FGF14: variants seen among roughly 807,000 people sequenced by gnomAD.
FGF14 encodes the protein fibroblast growth factor homologous factor 4.
FGF14 carries 5 observed loss-of-function variants against 25.5 expected under a neutral mutation model. The ratio of observed to expected loss-of-function variants is 0.20; its 90% CI spans 0.10 to 0.41. FGF14 has a LOEUF of 0.41. Among genes scored for constraint, FGF14 ranks in the 10% least tolerant of loss-of-function variants. The probability of loss-of-function intolerance (pLI) is 1.00; values close to 1 mark genes in which losing one functional copy is unlikely to be tolerated. For missense variants in FGF14, 222 were observed against 320.1 expected (o/e 0.69, Z 2.34); for synonymous variants, 138 against 118.3 (o/e 1.17, Z -1.08).
intron 1 of FGF14, among the ~76,000 whole-genome samples, chr13:102,048,624 C>T (rs560176719): frequency 5.3e-5 from 8 of 152,124 alleles, no homozygotes; most frequent in Non-Finnish European, 1.0e-4. Context: ...CTTAGTGCCA[C>T]GTAAGTGTTA....
At chr13:101,954,110 G>C (rs540594461) in intron 1 of FGF14, among the ~76,000 whole-genome samples, 2 of 152,092 alleles carry the variant, frequency 1.3e-5, no homozygotes, top group African/African-American at 4.8e-5. Flanking sequence ...AAGCAAGGTC[G>C]GATTAGGTTT....
At chr13:102,089,942 G>C (rs1457080588) in intron 1 of FGF14, among the ~76,000 whole-genome samples, 1 of 152,170 alleles carries the variant, frequency 6.6e-6, no homozygotes, top group Non-Finnish European at 1.5e-5. Context: ...AACTGTCATT[G>C]TCAGGCCTTG....
chr13:102,212,083 C>T (rs2050185189), intron 1 of FGF14, among the ~76,000 whole-genome samples: 1 of 152,124 alleles, frequency 6.6e-6, no homozygotes. Context: ...AGGGAATAAA[C>T]AGATGACCCT....
At chr13:102,153,458 G>A (rs981939366) in intron 1 of FGF14, among the ~76,000 whole-genome samples, 1 of 152,108 alleles carries the variant, frequency 6.6e-6, no homozygotes, top group Non-Finnish European at 1.5e-5. Context: ...TCCCCTCTGA[G>A]ATTTATTTTC....
At chr13:102,228,864 C>T (rs2050947732) in intron 1 of FGF14, among the ~76,000 whole-genome samples, 1 of 152,120 alleles carries the variant, frequency 6.6e-6, no homozygotes. Context: ...AATATAAAAC[C>T]TCCTCTTCCA....
intron 1 of FGF14, among the ~76,000 whole-genome samples, chr13:102,151,122 T>C (rs542409702): frequency 1.3e-5 from 2 of 152,220 alleles, no homozygotes; most frequent in Non-Finnish European, 2.9e-5. Flanking sequence ...AGAAATGCTA[T>C]TGGAAAACTT....
intron 1 of FGF14, among the ~76,000 whole-genome samples, chr13:102,238,819 T>A (rs1266695168): frequency 6.6e-6 from 1 of 152,228 alleles, no homozygotes; most frequent in Non-Finnish European, 1.5e-5. Context: ...TCTCCCCTTA[T>A]TTTCCCTTAC....
Position 102,229,528 on chromosome 13 carries a change from T to C in FGF14, c.208+171943A>G, listed in dbSNP as rs189965539. Among the ~76,000 whole-genome samples the C allele has an allele frequency of 3.1e-4, 47 of 152,248 alleles. No individual in the cohort carries two copies. The East Asian group carries it at 8.1e-3, about 26-fold the overall frequency. ...AGGGTAGGTATAAAAGATCCTAAAGTTGTGACTAATGAGGATTTTCATGGC... is the reference window on the plus strand; with the variant it reads ...AGGGTAGGTATAAAAGATCCTAAAGCTGTGACTAATGAGGATTTTCATGGC... On this transcript the variant is annotated intron_variant, in intron 1 of 4. Transcript: ENST00000376131.
intron 1 of FGF14, among the ~76,000 whole-genome samples, chr13:101,998,697 G>A (rs1212668707): frequency 1.3e-5 from 2 of 152,278 alleles, no homozygotes; most frequent in African/African-American, 4.8e-5. Context: ...ATAGGCTGGA[G>A]GCTCCCCGTC....
chr13:102,268,654 G>C lies in FGF14; in HGVS notation c.208+132817C>G, dbSNP rs140029645. On this transcript the variant is annotated intron_variant, in intron 1 of 4. Coordinates refer to the FGF14 transcript ENST00000376131. ...TTATATTTTAATTTTATATGATGAT[G>C]GTGTTTTTATAATTTAAATCATATA... Among the ~76,000 whole-genome samples the C allele has an allele frequency of 4.8e-3, 736 of 151,824 alleles. 10 individuals carry two copies. The highest frequency in any genetic ancestry group is 0.017 in the African/African-American group (698 of 41,410).
intron 3 of FGF14, among the ~76,000 whole-genome samples, chr13:101,855,386 A>G (rs1234359174): frequency 6.6e-6 from 1 of 152,036 alleles, no homozygotes; most frequent in Non-Finnish European, 1.5e-5. Flanking sequence ...ACTGACATCA[A>G]TAGAAAATGT....
intron 1 of FGF14, among the ~76,000 whole-genome samples, chr13:101,978,211 T>C (rs1168028406): frequency 2.6e-5 from 4 of 152,212 alleles, no homozygotes; most frequent in African/African-American, 4.8e-5. Flanking sequence ...TTTAATAGAG[T>C]TGCATTTTCA....
intron 1 of FGF14, among the ~76,000 whole-genome samples, chr13:102,052,508 CAGAG>C (rs1462637629): frequency 1.4e-5 from 2 of 143,476 alleles, no homozygotes; most frequent in East Asian, 3.9e-4. Flanking sequence ...TTTTCAAAGA[CAGAG>C]AGGATACTAA....
At chr13:101,914,461 G>A (rs957031400) in intron 1 of FGF14, among the ~76,000 whole-genome samples, 6 of 152,058 alleles carry the variant, frequency 3.9e-5, no homozygotes, top group Admixed American at 3.9e-4. Context: ...CCTGTCCAAA[G>A]TAAGGTAGAA....
chr13:102,274,848 G>A (rs1332565016), intron 1 of FGF14, among the ~76,000 whole-genome samples: 1 of 151,460 alleles, frequency 6.6e-6, no homozygotes, highest in Non-Finnish European at 1.5e-5. Context: ...CATATATCTT[G>A]TAACCAATGT....
At chr13:102,158,205 A>G (rs181676225) in intron 1 of FGF14, among the ~76,000 whole-genome samples, 32 of 152,334 alleles carry the variant, frequency 2.1e-4, no homozygotes, top group African/African-American at 7.5e-4. Flanking sequence ...ATGCTGCTGT[A>G]AAGACACATG....
At chr13:101,728,962 C>A (rs1441499368) in intron 3 of FGF14, among the ~76,000 whole-genome samples, 1 of 151,878 alleles carries the variant, frequency 6.6e-6, no homozygotes, top group Non-Finnish European at 1.5e-5. Flanking sequence ...GTATTGTCTC[C>A]ATTATGAATT....
rs544184742 is a variant in FGF14 at position 101,945,047 on chromosome 13, G to T, written c.209-69751C>A. On this transcript the variant is annotated intron_variant, in intron 1 of 4. Transcript: ENST00000376131. The stretch of plus-strand genomic sequence containing the variant: ...AAAATGGTTACAGGCCAGGCGCGGT[G>T]GCTCACGCCTGTAATCCCAGCGCTT... 5.9e-5 allele frequency among the ~76,000 whole-genome samples: 9 copies of T among 152,302 alleles called. No homozygotes were observed. The South Asian group carries it at 1.7e-3, about 28-fold the overall frequency.
chr13:102,097,821 A>C (rs1324968018), intron 1 of FGF14, among the ~76,000 whole-genome samples: 1 of 152,212 alleles, frequency 6.6e-6, no homozygotes, highest in African/African-American at 2.4e-5. Context: ...AGCAGAGACG[A>C]TCAGAAAATA....
Sources: gnomAD v4.1 joint callset for allele counts (sites outside exome capture counted in the v4.1 genomes callset) on GRCh38, gnomAD v4.1.1 for gene constraint, MANE v1.5 for transcripts, NCBI Gene and HGNC (gene_info 2026-07-23, HGNC 2026-07-21) for gene names.